Variants in NKTR observed in about 807,000 individuals in gnomAD.
The protein encoded by NKTR is natural killer cell triggering receptor.
NKTR carries 67 observed loss-of-function variants against 156.3 expected under a neutral mutation model. That is an observed-to-expected ratio of 0.43 (90% CI 0.35 to 0.53). The LOEUF (loss-of-function observed/expected upper bound fraction) is 0.53, where lower values mean the gene tolerates loss of function less well. Among genes scored for constraint, NKTR ranks in the 20% least tolerant of loss-of-function variants. The pLI is 0.01. For missense variants in NKTR, 1,604 were observed against 1,730.9 expected (o/e 0.93, Z 1.30); for synonymous variants, 640 against 596.6 (o/e 1.07, Z -1.06).
rs1709521634 is a variant in NKTR at position 42,637,372 on chromosome 3, G to A, written c.1668G>A (p.Lys556=). ...RSRSKSRSSS[K]SGHRKRASKS... ...GATCAAAGTCCAGATCTAGTTCCAA[G>A]TCTGGGCACCGAAAGAGAGCATCAA... The change falls in exon 13 of 17, where the codon AAG becomes AAA. Residue 556 remains lysine, a synonymous_variant. Transcript: ENST00000232978. 6.2e-7 allele frequency: 1 copy of A among 1,614,114 alleles called. No homozygotes were observed. Among genetic ancestry groups the A allele is most frequent in the Non-Finnish European group, 8.5e-7 (1 of 1,180,002 alleles).
At chr3:42,604,456 T>G (rs1170632363) in intron 2 of NKTR, among the ~76,000 whole-genome samples, 1 of 151,946 alleles carries the variant, frequency 6.6e-6, no homozygotes, top group Non-Finnish European at 1.5e-5. Flanking sequence ...ATTTCCGTTC[T>G]TTGTGCACTT....
At position 42,639,529 on chromosome 3, in the gene NKTR, G is replaced by T. The variant is rs778077140; in HGVS notation, c.3825G>T (p.Gly1275=). The T allele has an allele frequency of 5.0e-6, 8 of 1,614,040 alleles. No individual in the cohort carries two copies. In the Admixed American group the frequency reaches 1.2e-4, roughly 24 times the overall value. ...AAAGCAAAAATAAAGTTCGGCCTGG[G>T]TCTCTCTTTGATGAAGTAAGAAAGA... ...EIKSKNKVRP[G]SLFDEVRKTA... Residue 1275 remains glycine, a synonymous_variant, in exon 13 of 17, where the codon GGG becomes GGT. Coordinates refer to ENST00000232978, the MANE Select transcript of NKTR (RefSeq NM_005385.4).
intron 2 of NKTR, among the ~76,000 whole-genome samples, 175 bp from the exon 3 acceptor site, chr3:42,617,395 T>G (rs1707476811): frequency 6.6e-6 from 1 of 152,192 alleles, no homozygotes; most frequent in Non-Finnish European, 1.5e-5. Context: ...ACAAATAAAA[T>G]GGTGTTCTTG....
chr3:42,633,618 T>C lies in NKTR; in HGVS notation c.812T>C (p.Val271Ala). 5 of 1,614,136 alleles carry C rather than the reference T, an allele frequency of 3.1e-6. No homozygotes were observed. The highest frequency in any genetic ancestry group is 4.2e-6 in the Non-Finnish European group (5 of 1,180,008). Residue 271 changes from valine to alanine, a missense_variant, in exon 10 of 17, where the codon GTT becomes GCT. Physicochemically the swap from Val to Ala is moderately conservative, Grantham distance 64. This residue lies in a region of NKTR where 1,255 missense variants were observed against 1,243.7 expected (regional missense o/e 1.01). Transcript: ENST00000232978. ...AGTGATACCAATGAAAAAAGGTCAG[T>C]TGATTCCAGTGCTAAAAGGGAAAAA... ...ERSDTNEKRS[V>A]DSSAKREKPV...
At chr3:42,633,342 T>C in intron 9 of NKTR, 3 of 1,270,412 alleles carry the variant, frequency 2.4e-6, no homozygotes, top group Non-Finnish European at 3.0e-6. Context: ...ATGCCTGGCC[T>C]CCTGGAACTC....
At chr3:42,633,159 C>G in intron 9 of NKTR, 1 of 459,504 alleles carries the variant, frequency 2.2e-6, no homozygotes, top group South Asian at 7.1e-5. Flanking sequence ...TCTGCATCAG[C>G]CTCCTGAGTA....
intron 12 of NKTR, among the ~76,000 whole-genome samples, chr3:42,635,746 A>C (rs1709341914): frequency 6.6e-6 from 1 of 152,102 alleles, no homozygotes; most frequent in South Asian, 2.1e-4. Flanking sequence ...TCTCTACTAA[A>C]AATACAAAAA....
intron 13 of NKTR, among the ~76,000 whole-genome samples, chr3:42,641,775 G>C (rs1206155814): frequency 6.6e-6 from 1 of 151,920 alleles, no homozygotes; most frequent in African/African-American, 2.4e-5. Context: ...CTACTCAGGA[G>C]GCTGAGGCAG....
Position 42,646,055 on chromosome 3 carries a change from C to A in NKTR, c.*80C>A, listed in dbSNP as rs1710331397. ...AGAAATGTAATGACAGTCTGTTGTT[C>A]TATTTCAATATCAGAGGTGAATTTC... On this transcript the variant is annotated 3_prime_UTR_variant, in exon 17 of 17. Transcript: ENST00000232978. 3.0e-6 allele frequency: 3 copies of A among 1,006,254 alleles called. No homozygotes were observed. The highest frequency in any genetic ancestry group is 2.6e-5 in the East Asian group (1 of 39,198). 62.3% of individuals were successfully genotyped at this position (1,006,254 alleles called of 1,614,324 possible).
At chr3:42,636,742 T>A in intron 12 of NKTR, 126 bp from the exon 13 acceptor site, 16 of 1,333,404 alleles carry the variant, frequency 1.2e-5, no homozygotes, top group Non-Finnish European at 1.6e-5. Context: ...ATAACTCTGA[T>A]TCACGCTTCC....
At position 42,600,967 on chromosome 3, in the gene NKTR, C is replaced by T. The variant is rs752371160; in HGVS notation, c.-23-17C>T. 1.1e-5 allele frequency: 17 copies of T among 1,500,096 alleles called. 1 individual carries two copies. The South Asian group carries it at 1.7e-4, about 15-fold the overall frequency. 92.9% of individuals were successfully genotyped at this position (1,500,096 alleles called of 1,614,324 possible). On this transcript the variant is annotated splice_polypyrimidine_tract_variant and intron_variant, in intron 1 of 16. Transcript: ENST00000232978. ...CCTCGCCCCTGCCCTGACCGCTTTTCTCCCCCTCTCTCCCAGCTCTTGCCG... is the reference window on the plus strand; with the variant it reads ...CCTCGCCCCTGCCCTGACCGCTTTTTTCCCCCTCTCTCCCAGCTCTTGCCG...
Position 42,634,716 on chromosome 3 carries a change from CTT to C in NKTR, c.1017+22_1017+23del, listed in dbSNP as rs747792224. On this transcript the variant is annotated intron_variant, in intron 11 of 16. Coordinates refer to ENST00000232978, the MANE Select transcript of NKTR (RefSeq NM_005385.4). ...GGGCACAATTGTATGTGTGATAAGACTTTTTTTGATATTATGTATCTAATAAA... is the reference window on the plus strand; with the variant it reads ...GGGCACAATTGTATGTGTGATAAGACTTTTTGATATTATGTATCTAATAAA... The C allele has an allele frequency of 1.4e-6, 2 of 1,432,972 alleles. No homozygotes were observed. The highest frequency in any genetic ancestry group is 4.1e-5 in the Admixed American group (2 of 48,698). 88.8% of individuals were successfully genotyped at this position (1,432,972 alleles called of 1,614,324 possible). A position where few individuals can be genotyped will look rare whatever the true frequency, so the allele number is the denominator to read the frequency against.
At chr3:42,602,626 A>G (rs1577400293) in intron 2 of NKTR, 1 of 112,910 alleles carries the variant, frequency 8.9e-6, no homozygotes, top group Non-Finnish European at 1.7e-5. Flanking sequence ...GCCTTGATTG[A>G]TCTTTTTTTT....
In NKTR at chr3:42,638,391, C is replaced by T. The variant is rs1279504339; in HGVS notation, c.2687C>T (p.Thr896Ile). ...DSESNSERDV[T>I]KNSKNDSHPS... Reference sequence around the variant, plus strand: ...GAGTCAAATTCAGAACGAGATGTCACTAAAAACAGTAAAAATGACTCCCAT... The same window carrying T: ...GAGTCAAATTCAGAACGAGATGTCATTAAAAACAGTAAAAATGACTCCCAT... The change falls in exon 13 of 17, where the codon ACT becomes ATT. Residue 896 changes from threonine (T) to isoleucine (I), a missense_variant. Transcript: ENST00000232978. The T allele has an allele frequency of 2.0e-5, 33 of 1,613,796 alleles. No individual in the cohort carries two copies. The highest frequency in any genetic ancestry group is 2.2e-5 in the Non-Finnish European group (26 of 1,179,984).
intron 2 of NKTR, among the ~76,000 whole-genome samples, chr3:42,616,100 A>G (rs1707342207): frequency 1.3e-5 from 2 of 152,192 alleles, no homozygotes; most frequent in Admixed American, 6.5e-5. Flanking sequence ...ATGCAGTATC[A>G]TTGTTTCCTC....
intron 7 of NKTR, 200 bp downstream of exon 7, chr3:42,630,775 T>G: frequency 7.2e-7 from 1 of 1,384,796 alleles, no homozygotes; most frequent in South Asian, 2.0e-5. Flanking sequence ...CAATCTGTGC[T>G]CATGGATGGG....
chr3:42,634,110 T>C (rs913085419), intron 10 of NKTR, among the ~76,000 whole-genome samples: 11 of 152,208 alleles, frequency 7.2e-5, no homozygotes, highest in Non-Finnish European at 1.2e-4. Context: ...ATTTGAGTGA[T>C]GAAGCATGGG....
intron 2 of NKTR, chr3:42,602,411 G>A (rs1445894448): frequency 6.6e-6 from 1 of 152,160 alleles, no homozygotes. Context: ...AATCCGTCCT[G>A]GTTATTAAAC....
intron 2 of NKTR, among the ~76,000 whole-genome samples, chr3:42,614,998 G>A (rs1451871241): frequency 6.6e-6 from 1 of 151,784 alleles, no homozygotes; most frequent in Non-Finnish European, 1.5e-5. Flanking sequence ...TATCCTTTGT[G>A]CCATGAGGTT....
Sources: gnomAD v4.1 joint callset for allele counts (sites outside exome capture counted in the v4.1 genomes callset) on GRCh38, gnomAD v4.1.1 for gene constraint, gnomAD v4.1.1 regional missense constraint, MANE v1.5 for transcripts, NCBI Gene and HGNC (gene_info 2026-07-23, HGNC 2026-07-21) for gene names.